SLC11A2: variants seen among roughly 807,000 people sequenced by gnomAD.
SLC11A2 encodes the protein natural resistance-associated macrophage protein 2.
In SLC11A2, 38 loss-of-function variants were observed where a neutral mutation model predicts 68.0. The ratio of observed to expected loss-of-function variants is 0.56; its 90% CI spans 0.43 to 0.73. The LOEUF (loss-of-function observed/expected upper bound fraction) is 0.73, where lower values mean the gene tolerates loss of function less well. Ranked by LOEUF, SLC11A2 falls within the 30% of genes least tolerant of loss-of-function variation. SLC11A2 has a pLI of 0.00. For synonymous variants in SLC11A2, 242 were observed against 250.6 expected (o/e 0.97, Z 0.32); for missense variants, 517 against 690.5 (o/e 0.75, Z 2.82).
At chr12:50,969,734 C>G in the SLC11A2 span, among the ~76,000 whole-genome samples, 1 of 151,352 alleles carries the variant, frequency 6.6e-6, no homozygotes, top group Non-Finnish European at 1.5e-5. Context: ...AAACGTCATA[C>G]TTACAATAAT....
downstream of SLC11A2, chr12:50,980,723 T>C (rs1294839076): frequency 2.0e-5 from 3 of 152,198 alleles, no homozygotes; most frequent in East Asian, 1.9e-4. Context: ...AATACAAATA[T>C]TGGCCACTCC....
chr12:51,000,416 G>T lies in SLC11A2; in HGVS notation c.433C>A (p.Pro145Thr). Residue 145 changes from proline to threonine, a missense_variant, in exon 6 of 16, where the codon CCA becomes ACA. Physicochemically the swap from Pro to Thr is conservative, Grantham distance 38. Transcript: ENST00000262052. The stretch of plus-strand genomic sequence containing the variant: ...ACCATCAGCCACAGGATGACTCGTG[G>T]GACCTAAACATCAAACAGTAGAAAG... ...EVCHRQYPKV[P>T]RVILWLMVEL... The T allele has an allele frequency of 1.2e-6, 2 of 1,610,210 alleles. No homozygotes were observed. The highest frequency in any genetic ancestry group is 1.7e-6 in the Non-Finnish European group (2 of 1,176,448).
the SLC11A2 span, among the ~76,000 whole-genome samples, chr12:50,970,678 A>C: frequency 3.3e-5 from 5 of 152,202 alleles, no homozygotes; most frequent in African/African-American, 4.8e-5. Flanking sequence ...CAACAATCAT[A>C]AACAGTCAAC....
rs1462986488 is a variant in SLC11A2, at chr12:50,986,516, TG to T, written c.*1808del. On this transcript the variant is annotated 3_prime_UTR_variant, in exon 16 of 16. Coordinates refer to ENST00000262052, the MANE Select transcript of SLC11A2 (RefSeq NM_000617.3). ...AAATGCTTGTAAATCTGAGACTGAC[TG>T]GACCCACCCAGACCCAGGGCAAAGA... 7.8e-7 allele frequency: 1 copy of T among 1,287,110 alleles called. No individual in the cohort carries two copies. Among genetic ancestry groups the T allele is most frequent in the Non-Finnish European group, 1.0e-6 (1 of 988,612 alleles). 79.7% of individuals were successfully genotyped at this position (1,287,110 alleles called of 1,614,324 possible). A position where few individuals can be genotyped will look rare whatever the true frequency, so the allele number is the denominator to read the frequency against.
intron 10 of SLC11A2, chr12:50,995,044 C>T: frequency 3.7e-6 from 1 of 272,714 alleles, no homozygotes; most frequent in Non-Finnish European, 7.1e-6. Flanking sequence ...GGCACAGGAG[C>T]TCACGCCTGT....
chr12:51,015,097 T>C (rs1592427801), intron 1 of SLC11A2, among the ~76,000 whole-genome samples: 1 of 150,112 alleles, frequency 6.7e-6, no homozygotes, highest in Admixed American at 6.7e-5. Context: ...GAGGTGGAGG[T>C]TGCGGTGAGC....
chr12:50,992,289 G>A lies in SLC11A2; in HGVS notation c.1248C>T (p.Arg416=). Reference sequence around the variant, plus strand: ...GCAGAGTGGGGATGATGGCAATAGAGCGAGTCAGAACCACTCGGGCAAAGC... The same window carrying A: ...GCAGAGTGGGGATGATGGCAATAGAACGAGTCAGAACCACTCGGGCAAAGC... ...WSRFARVVLT[R]SIAIIPTLLV... The change falls in exon 13 of 16, where the codon CGC becomes CGT. Residue 416 remains arginine (R), a synonymous_variant. Coordinates refer to ENST00000262052, the MANE Select transcript of SLC11A2 (RefSeq NM_000617.3). The A allele has an allele frequency of 6.2e-7, 1 of 1,613,974 alleles. No homozygotes were observed. Among genetic ancestry groups the A allele is most frequent in the Non-Finnish European group, 8.5e-7 (1 of 1,179,846 alleles).
chr12:51,003,554 A>G (rs1431412396), intron 5 of SLC11A2, among the ~76,000 whole-genome samples: 1 of 150,538 alleles, frequency 6.6e-6, no homozygotes, highest in Non-Finnish European at 1.5e-5. Flanking sequence ...TCTGTCTCAA[A>G]AAAAAAAACA....
intron 13 of SLC11A2, 33 bp from the exon 14 acceptor site, chr12:50,991,705 A>C: frequency 3.9e-6 from 6 of 1,546,776 alleles, no homozygotes; most frequent in Non-Finnish European, 5.4e-6. Flanking sequence ...TGGGATTACT[A>C]TGGGTCCTTG....
chr12:51,015,412 T>A (rs1340453277), intron 1 of SLC11A2, among the ~76,000 whole-genome samples: 1 of 150,624 alleles, frequency 6.6e-6, no homozygotes, highest in East Asian at 2.0e-4. Flanking sequence ...GAGGTGGAGG[T>A]TGCAGTGAGC....
intron 3 of SLC11A2, 131 bp from the exon 4 acceptor site, chr12:51,005,567 C>T (rs971114618): frequency 1.3e-6 from 2 of 1,515,762 alleles, no homozygotes; most frequent in African/African-American, 2.8e-5. Context: ...TCAGATATTG[C>T]ATGTGTCCAA....
rs10588295 is a variant in SLC11A2 at position 51,013,289 on chromosome 12, C to CT, written c.-38-2524dup. Among the ~76,000 whole-genome samples the CT allele has an allele frequency of 7.3e-3, 961 of 130,960 alleles. 14 individuals carry two copies. The highest frequency in any genetic ancestry group is 0.022 in the African/African-American group (777 of 35,612). 85.9% of individuals were successfully genotyped at this position (130,960 alleles called of 152,430 possible). A position where few individuals can be genotyped will look rare whatever the true frequency, so the allele number is the denominator to read the frequency against. ...AAAATGAGCTGAATGAATTAAATTG[C>CT]TTTTTTTTTTTTTTTTTTGAGACAG... On this transcript the variant is annotated intron_variant, in intron 1 of 15. Coordinates refer to ENST00000262052, the MANE Select transcript of SLC11A2 (RefSeq NM_000617.3).
At chr12:51,005,690 T>A in intron 3 of SLC11A2, 1 of 1,323,654 alleles carries the variant, frequency 7.6e-7, no homozygotes, top group Non-Finnish European at 9.9e-7. Context: ...AAAACCAGAA[T>A]AACAGTATCA....
intron 2 of SLC11A2, among the ~76,000 whole-genome samples, chr12:51,008,861 T>C (rs1475968101): frequency 1.3e-5 from 2 of 151,916 alleles, no homozygotes; most frequent in Admixed American, 1.3e-4. Flanking sequence ...AAAAGTTATC[T>C]CCCTCCCCCT....
intron 11 of SLC11A2, chr12:50,993,134 C>T (rs1304665906): frequency 3.5e-6 from 2 of 564,308 alleles, no homozygotes; most frequent in Non-Finnish European, 6.5e-6. Context: ...GATGCTCCTT[C>T]GTTTCTCTGC....
At chr12:50,963,292 C>G in the SLC11A2 span, among the ~76,000 whole-genome samples, 1 of 147,938 alleles carries the variant, frequency 6.8e-6, no homozygotes, top group Non-Finnish European at 1.5e-5. Context: ...ATTGCTCGAA[C>G]CTGGGAAGCG....
At chr12:50,976,207 C>A (rs1592278913), downstream of SLC11A2, among the ~76,000 whole-genome samples, 1 of 151,280 alleles carries the variant, frequency 6.6e-6, no homozygotes, top group Non-Finnish European at 1.5e-5. Flanking sequence ...AATTTTAGAC[C>A]AATATCCCTG....
In SLC11A2 at chr12:50,987,121, C is replaced by T. The variant is rs920717648; in HGVS notation, c.*1204G>A. On this transcript the variant is annotated 3_prime_UTR_variant, in exon 16 of 16. Transcript: ENST00000262052. ...AAAAGCAGCAGCTTTGTGCTGAAGA[C>T]ACCCATTTCCTCTGACTCCAGAGCT... 4 of 1,283,482 alleles carry T rather than the reference C, an allele frequency of 3.1e-6. No homozygotes were observed. In the African/African-American group the frequency reaches 6.1e-5, roughly 20 times the overall value. The allele number at this position is 1,283,482 out of a possible 1,614,324, so 79.5% of individuals were successfully genotyped here.
chr12:50,990,548 G>A, intron 15 of SLC11A2: 2 of 467,684 alleles, frequency 4.3e-6, no homozygotes, highest in East Asian at 3.2e-5. Context: ...CCTGGAGGTA[G>A]ATTGTTATGT....
Sources: allele counts gnomAD v4.1 joint callset (sites outside exome capture counted in the v4.1 genomes callset), GRCh38; gene constraint gnomAD v4.1.1; transcripts MANE v1.5; gene names NCBI Gene and HGNC (gene_info 2026-07-23, HGNC 2026-07-21).